Variants in FHIT observed in about 807,000 individuals in gnomAD.
FHIT encodes the protein fragile histidine triad diadenosine triphosphatase.
In FHIT, 19 loss-of-function variants were observed where a neutral mutation model predicts 17.9. The ratio of observed to expected loss-of-function variants is 1.06; its 90% CI spans 0.74 to 1.56. FHIT has a LOEUF of 1.56. Ranked by LOEUF, FHIT falls within the 40% of genes most tolerant of loss-of-function variation. FHIT has a pLI of 0.00. For missense variants in FHIT, 248 were observed against 189.2 expected (o/e 1.31, Z -1.82); for synonymous variants, 81 against 69.7 (o/e 1.16, Z -0.81).
At chr3:59,854,596 A>G (rs1250689648) in intron 8 of FHIT, among the ~76,000 whole-genome samples, 7 of 152,212 alleles carry the variant, frequency 4.6e-5, no homozygotes, top group African/African-American at 1.4e-4. Flanking sequence ...AGTGCAGGGC[A>G]GAATCCAGAG....
At chr3:60,399,460 C>A (rs989948300) in intron 5 of FHIT, among the ~76,000 whole-genome samples, 5 of 152,094 alleles carry the variant, frequency 3.3e-5, no homozygotes, top group Non-Finnish European at 7.4e-5. Context: ...ACTTGGGAAG[C>A]GGACTGCAAT....
chr3:60,471,370 G>C (rs1320164171), intron 5 of FHIT, among the ~76,000 whole-genome samples: 1 of 152,164 alleles, frequency 6.6e-6, no homozygotes, highest in East Asian at 1.9e-4. Flanking sequence ...GGAGCTTGCC[G>C]GAACTCAGGT....
intron 4 of FHIT, among the ~76,000 whole-genome samples, chr3:60,765,120 C>T (rs531752052): frequency 2.0e-5 from 3 of 152,184 alleles, no homozygotes; most frequent in Admixed American, 6.5e-5. Context: ...TGGCAGTTAC[C>T]GGGAGATTGA....
intron 8 of FHIT, among the ~76,000 whole-genome samples, chr3:59,897,843 T>G (rs1243237189): frequency 6.6e-6 from 1 of 151,778 alleles, no homozygotes; most frequent in Non-Finnish European, 1.5e-5. Context: ...CTCGGCTCAC[T>G]GCAAGCTCCG....
At chr3:60,991,819 A>G (rs1269904689) in intron 3 of FHIT, among the ~76,000 whole-genome samples, 5 of 152,098 alleles carry the variant, frequency 3.3e-5, no homozygotes, top group Non-Finnish European at 5.9e-5. Flanking sequence ...TATTATTATT[A>G]AAATTAGGAA....
chr3:61,101,629 A>C (rs1289359690), intron 2 of FHIT, among the ~76,000 whole-genome samples: 1 of 152,168 alleles, frequency 6.6e-6, no homozygotes, highest in Non-Finnish European at 1.5e-5. Context: ...CATTGAATCT[A>C]TAAATTACTT....
chr3:60,877,201 T>G (rs965169427), intron 3 of FHIT, among the ~76,000 whole-genome samples: 2 of 152,196 alleles, frequency 1.3e-5, no homozygotes, highest in African/African-American at 2.4e-5. Flanking sequence ...CTGGAACTAC[T>G]GCTGAAGTGT....
chr3:60,203,096 G>A (rs1184988196), intron 5 of FHIT, among the ~76,000 whole-genome samples: 1 of 152,036 alleles, frequency 6.6e-6, no homozygotes, highest in Non-Finnish European at 1.5e-5. Context: ...TTGTACCAAT[G>A]TTAATTTTCT....
chr3:60,722,694 T>C (rs1280911500), intron 4 of FHIT, among the ~76,000 whole-genome samples: 3 of 150,922 alleles, frequency 2.0e-5, no homozygotes, highest in Non-Finnish European at 3.0e-5. Flanking sequence ...GGTTGAAAAC[T>C]GTTACCTTAA....
chr3:60,666,432 A>G (rs781836218), intron 4 of FHIT, among the ~76,000 whole-genome samples: 1 of 152,106 alleles, frequency 6.6e-6, no homozygotes, highest in African/African-American at 2.4e-5. Flanking sequence ...TCTCATCTCC[A>G]TTTTATGAGA....
chr3:60,981,743 G>C (rs1710505844), intron 3 of FHIT, among the ~76,000 whole-genome samples: 1 of 150,788 alleles, frequency 6.6e-6, no homozygotes, highest in Non-Finnish European at 1.5e-5. Flanking sequence ...TGAGTAGCTG[G>C]GACTACAGGT....
At chr3:59,839,099 T>C (rs927905243) in intron 8 of FHIT, among the ~76,000 whole-genome samples, 11 of 152,000 alleles carry the variant, frequency 7.2e-5, no homozygotes, top group Non-Finnish European at 1.3e-4. Context: ...GGTGGATCAC[T>C]TGAGGTCAGG....
chr3:60,589,421 T>C (rs995859333), intron 4 of FHIT, among the ~76,000 whole-genome samples: 3 of 152,088 alleles, frequency 2.0e-5, no homozygotes, highest in Non-Finnish European at 2.9e-5. Context: ...TTTCCCAGAA[T>C]AACATATCCT....
rs1380689254 is a variant in FHIT at position 60,614,831 on chromosome 3, GTTTTTTTTTTGT to G, written c.-17-77864_-17-77853del. 9.3e-5 allele frequency among the ~76,000 whole-genome samples: 5 copies of G among 53,494 alleles called. 1 individual carries two copies. The highest frequency in any genetic ancestry group is 2.7e-4 in the African/African-American group (5 of 18,330). The allele number at this position is 53,494 out of a possible 152,430, so 35.1% of individuals were successfully genotyped here. A position where few individuals can be genotyped will look rare whatever the true frequency, so the allele number is the denominator to read the frequency against. ...GTTGTTTTTTTTTTGTTTTTTTTTT[GTTTTTTTTTTGT>G]TTTTTGAGATGGAGCCCTGCTCTGT... is the stretch of plus-strand genomic sequence containing the variant. On this transcript the variant is annotated intron_variant, in intron 4 of 9. Coordinates refer to ENST00000492590, the MANE Select transcript of FHIT (RefSeq NM_002012.4).
intron 3 of FHIT, among the ~76,000 whole-genome samples, chr3:60,917,816 T>C (rs937163648): frequency 1.1e-4 from 16 of 152,230 alleles, no homozygotes; most frequent in African/African-American, 3.4e-4. Context: ...GTTAGATGTA[T>C]ATCTGTTCAT....
chr3:60,994,976 T>C (rs1298079247), intron 3 of FHIT, among the ~76,000 whole-genome samples: 1 of 152,100 alleles, frequency 6.6e-6, no homozygotes, highest in Non-Finnish European at 1.5e-5. Flanking sequence ...TTTAAAAAAT[T>C]TAGTTTAATT....
chr3:60,501,286 C>T (rs191300241), intron 5 of FHIT, among the ~76,000 whole-genome samples: 166 of 150,318 alleles, frequency 1.1e-3, no homozygotes, highest in African/African-American at 3.8e-3. Flanking sequence ...TGTAGGTAGC[C>T]ACTATTTATC....
At chr3:60,442,564 C>T (rs492530) in intron 5 of FHIT, among the ~76,000 whole-genome samples, 78,454 of 151,908 alleles carry the variant, frequency 0.52, 22,261 homozygotes, top group Non-Finnish European at 0.63. Context: ...GTCAGGTTTG[C>T]CTAAGATCAG....
intron 4 of FHIT, among the ~76,000 whole-genome samples, chr3:60,815,995 T>G (rs1038820304): frequency 1.3e-5 from 2 of 152,090 alleles, no homozygotes; most frequent in Non-Finnish European, 1.5e-5. Flanking sequence ...TTCTATTTTT[T>G]CAGGCTATTG....
Sources: allele counts gnomAD v4.1 joint callset (sites outside exome capture counted in the v4.1 genomes callset), GRCh38; gene constraint gnomAD v4.1.1; transcripts MANE v1.5; gene names NCBI Gene and HGNC (gene_info 2026-07-23, HGNC 2026-07-21).